The following MTUS2 variants were observed in gnomAD, a reference collection of about 807,000 sequenced individuals.
MTUS2 encodes the protein microtubule associated scaffold protein 2.
Under a neutral mutation model 114.1 loss-of-function variants are expected in MTUS2, and 40 were observed. That is an observed-to-expected ratio of 0.35 (90% CI 0.27 to 0.46). MTUS2 has a LOEUF of 0.46. Ranked by LOEUF, MTUS2 falls within the 20% of genes least tolerant of loss-of-function variation. The pLI, the probability that MTUS2 is intolerant of heterozygous loss-of-function variation, is 1.00. For missense variants in MTUS2, 1,679 were observed against 1,705.4 expected, an observed-to-expected ratio of 0.98 and a Z score of 0.27; for synonymous variants, 688 against 672.0, an observed-to-expected ratio of 1.02 and a Z score of -0.37.
chr13:29,307,812 G>C, intron 6 of MTUS2: 1 of 851,310 alleles, frequency 1.2e-6, no homozygotes, highest in African/African-American at 1.6e-5. Context: ...GCCCCAGTGA[G>C]AGCACAAGAG....
chr13:29,231,560 A>T (rs936981691), intron 5 of MTUS2, among the ~76,000 whole-genome samples: 2 of 152,218 alleles, frequency 1.3e-5, no homozygotes, highest in African/African-American at 4.8e-5. Context: ...TTATATTTAC[A>T]AAAGGTTATT....
rs760911967 is a variant in MTUS2, at chr13:29,067,471, T to C, written c.2447-33302T>C. On this transcript the variant is annotated intron_variant, in intron 4 of 15. Coordinates refer to ENST00000612955, the MANE Select transcript of MTUS2 (RefSeq NM_001033602.4). ...TAAAAATACAGAGAGGCTGTTGGGA[T>C]TGGAAATTAGGAAGCAGTTGGTGAC... Among the ~76,000 whole-genome samples the C allele has an allele frequency of 5.9e-5, 9 of 152,118 alleles. No individual in the cohort carries two copies. In the South Asian group the frequency reaches 8.3e-4, roughly 14 times the overall value.
intron 2 of MTUS2, among the ~76,000 whole-genome samples, chr13:29,014,421 C>G (rs1885979388): frequency 6.6e-6 from 1 of 152,216 alleles, no homozygotes; most frequent in African/African-American, 2.4e-5. Context: ...CTAATTCATT[C>G]AACGGATATT....
intron 7 of MTUS2, among the ~76,000 whole-genome samples, chr13:29,327,080 T>G (rs1900550770): frequency 6.6e-6 from 1 of 152,174 alleles, no homozygotes; most frequent in Non-Finnish European, 1.5e-5. Flanking sequence ...GTTTTTATGC[T>G]GTAAAATCTA....
intron 2 of MTUS2, among the ~76,000 whole-genome samples, chr13:28,992,075 G>A (rs182750219): frequency 6.6e-6 from 1 of 152,236 alleles, no homozygotes; most frequent in Non-Finnish European, 1.5e-5. Context: ...AATTTACTTT[G>A]GGGGACTCTC....
chr13:29,226,823 C>A (rs1896124353), intron 5 of MTUS2, among the ~76,000 whole-genome samples: 1 of 152,056 alleles, frequency 6.6e-6, no homozygotes, highest in South Asian at 2.1e-4. Flanking sequence ...ACTTTTAAAG[C>A]TTTACTTAAA....
At chr13:28,906,710 G>A (rs1024015572) in intron 2 of MTUS2, among the ~76,000 whole-genome samples, 16 of 151,468 alleles carry the variant, frequency 1.1e-4, no homozygotes, top group African/African-American at 3.4e-4. Flanking sequence ...GTGGTGTGGT[G>A]CTGAAAAAAA....
At chr13:28,945,177 C>T (rs1170469229) in intron 2 of MTUS2, among the ~76,000 whole-genome samples, 2 of 57,454 alleles carry the variant, frequency 3.5e-5, no homozygotes, top group East Asian at 9.9e-4. Flanking sequence ...AGTAGTATTC[C>T]ATTATATATA....
chr13:28,911,118 G>T (rs1422888756), intron 2 of MTUS2, among the ~76,000 whole-genome samples: 1 of 148,044 alleles, frequency 6.8e-6, no homozygotes, highest in Non-Finnish European at 1.5e-5. Flanking sequence ...CCCGTGATCT[G>T]CCCACCTTGG....
intron 9 of MTUS2, among the ~76,000 whole-genome samples, chr13:29,443,744 A>G (rs58853719): frequency 0.048 from 7,296 of 152,232 alleles, 564 homozygotes; most frequent in African/African-American, 0.17. Flanking sequence ...AGAGCATTGA[A>G]CATGCAAACC....
In MTUS2 at chr13:28,910,657, T is replaced by A. The variant is rs577678431; in HGVS notation, c.-243+70807T>A. 2.4e-4 allele frequency among the ~76,000 whole-genome samples: 36 copies of A among 152,212 alleles called. 1 individual carries two copies. The South Asian group carries it at 6.8e-3, about 29-fold the overall frequency. ...TTTGGTTTTCTGTTCCTGTGTTAGT[T>A]TGCTGAGGATAACAGCTTCCAGCTC... On this transcript the variant is annotated intron_variant, in intron 2 of 15. Coordinates refer to ENST00000612955, the MANE Select transcript of MTUS2 (RefSeq NM_001033602.4).
chr13:29,485,511 T>C (rs1297167070), intron 10 of MTUS2, among the ~76,000 whole-genome samples: 1 of 152,210 alleles, frequency 6.6e-6, no homozygotes, highest in Non-Finnish European at 1.5e-5. Flanking sequence ...ATTAGTTTCC[T>C]TCCTAACATA....
intron 4 of MTUS2, among the ~76,000 whole-genome samples, chr13:29,083,961 T>G (rs1889555950): frequency 6.6e-6 from 1 of 152,234 alleles, no homozygotes; most frequent in Non-Finnish European, 1.5e-5. Context: ...AACATACTTA[T>G]GTGCCCTCTA....
In MTUS2 at chr13:29,224,509, AAATTCT is replaced by A. The variant is rs1164601135; in HGVS notation, c.2645-57190_2645-57185del. ...AAATGGCCAAATCTTTTATTTCCAA[AAATTCT>A]AATTATATCTCTCCTATATCTATAT... On this transcript the variant is annotated intron_variant, in intron 5 of 15. Transcript: ENST00000612955. Among the ~76,000 whole-genome samples the A allele has an allele frequency of 8.5e-5, 13 of 152,128 alleles. No homozygotes were observed. In the East Asian group the frequency reaches 2.5e-3, roughly 29 times the overall value.
At chr13:28,865,788 A>G (rs376673973) in intron 2 of MTUS2, among the ~76,000 whole-genome samples, 1 of 152,156 alleles carries the variant, frequency 6.6e-6, no homozygotes, top group Non-Finnish European at 1.5e-5. Flanking sequence ...GGTTTTCCCT[A>G]TGATGACATT....
intron 2 of MTUS2, among the ~76,000 whole-genome samples, chr13:28,920,949 G>T (rs1881009196): frequency 6.6e-6 from 1 of 152,202 alleles, no homozygotes; most frequent in Non-Finnish European, 1.5e-5. Context: ...CTTTAGGGCA[G>T]TGGGCTCCCC....
chr13:29,008,605 C>T (rs4769659), intron 2 of MTUS2, among the ~76,000 whole-genome samples: 1 of 151,924 alleles, frequency 6.6e-6, no homozygotes, highest in Non-Finnish European at 1.5e-5. Flanking sequence ...TCTGTATTCA[C>T]CCTTGATTTG....
At position 29,428,995 on chromosome 13, in the gene MTUS2, G is replaced by A. The variant is rs1876793973; in HGVS notation, c.3118-10988G>A. 5.0e-6 allele frequency: 6 copies of A among 1,208,522 alleles called. No individual in the cohort carries two copies. In the Admixed American group the frequency reaches 6.9e-5, roughly 14 times the overall value. 74.9% of individuals were successfully genotyped at this position (1,208,522 alleles called of 1,614,324 possible). On this transcript the variant is annotated intron_variant, in intron 8 of 15. Coordinates refer to ENST00000612955, the MANE Select transcript of MTUS2 (RefSeq NM_001033602.4). Reference sequence around the variant, plus strand: ...CTCGGTGCCTGTCCCCCTAGCATGCGTGTGCGCTTTGTTGGTGAACAGGAG... The same window carrying A: ...CTCGGTGCCTGTCCCCCTAGCATGCATGTGCGCTTTGTTGGTGAACAGGAG...
chr13:29,070,328 A>G (rs571365972), intron 4 of MTUS2, among the ~76,000 whole-genome samples: 1 of 152,136 alleles, frequency 6.6e-6, no homozygotes, highest in African/African-American at 2.4e-5. Flanking sequence ...ATCCTTGGTA[A>G]TTTCCTAAGA....
Sources: gnomAD v4.1 joint callset for allele counts (sites outside exome capture counted in the v4.1 genomes callset) on GRCh38, gnomAD v4.1.1 for gene constraint, MANE v1.5 for transcripts, NCBI Gene and HGNC (gene_info 2026-07-23, HGNC 2026-07-21) for gene names.